The following TMC3 variants were observed in gnomAD, a reference collection of about 807,000 sequenced individuals.
TMC3 encodes transmembrane channel-like protein 3.
TMC3 carries 98 observed loss-of-function variants against 110.6 expected under a neutral mutation model. That is an observed-to-expected ratio of 0.89 (90% CI 0.75 to 1.05). TMC3 has a LOEUF of 1.05. TMC3 is among the 50% of genes least tolerant of loss of function. The probability of loss-of-function intolerance (pLI) is 0.00; values close to 1 mark genes in which losing one functional copy is unlikely to be tolerated. For missense variants in TMC3, 1,319 were observed against 1,373.2 expected (o/e 0.96, Z 0.62); for synonymous variants, 489 against 513.1 (o/e 0.95, Z 0.63).
rs1346925051 is a variant in TMC3, at chr15:81,351,818, A to G, written c.959T>C (p.Ile320Thr). 3.1e-6 allele frequency: 5 copies of G among 1,612,072 alleles called. No homozygotes were observed. The highest frequency in any genetic ancestry group is 2.7e-5 in the African/African-American group (2 of 74,916). The stretch of plus-strand genomic sequence containing the variant: ...GAGAAGCACCAGGATGTTGGCAATA[A>G]TCCTCAGGCAGATGGTCACTGCCCT... ...KNLAVTICLR[I>T]IANILVLLSL... is the part of the protein sequence containing the mutation. Residue 320 changes from isoleucine (I) to threonine (T), a missense_variant, in exon 10 of 22, where the codon ATT (isoleucine) becomes ACT (threonine). Ile to Thr is a moderately conservative substitution (Grantham distance 89). Coordinates refer to ENST00000359440, the MANE Select transcript of TMC3 (RefSeq NM_001080532.3).
Position 81,332,575 on chromosome 15 carries a change from G to C in TMC3, c.3147C>G (p.Ser1049Arg). ...TESDSVSAASSSDQQNSSADQ... is the reference protein window; with the variant it reads ...TESDSVSAASRSDQQNSSADQ... ...CAGCGCTGCTGTTCTGCTGGTCACTGCTGGATGCTGCCGACACGGAGTCAG... is the reference window on the plus strand; with the variant it reads ...CAGCGCTGCTGTTCTGCTGGTCACTCCTGGATGCTGCCGACACGGAGTCAG... The change falls in exon 22 of 22, where the codon AGC (serine) becomes AGG (arginine). Residue 1049 changes from serine to arginine, a missense_variant. Coordinates refer to ENST00000359440, the MANE Select transcript of TMC3 (RefSeq NM_001080532.3). The C allele has an allele frequency of 6.2e-7, 1 of 1,614,020 alleles. No individual in the cohort carries two copies.
intron 21 of TMC3, among the ~76,000 whole-genome samples, chr15:81,334,420 A>C (rs1893544512): frequency 6.6e-6 from 1 of 152,212 alleles, no homozygotes; most frequent in Non-Finnish European, 1.5e-5. Flanking sequence ...TAATATGGCC[A>C]CTGTGGAACT....
In TMC3 at chr15:81,343,935, C is replaced by G. The variant is rs1425550615; in HGVS notation, c.1629G>C (p.Trp543Cys). 1.9e-6 allele frequency: 3 copies of G among 1,612,402 alleles called. No homozygotes were observed. Among genetic ancestry groups the G allele is most frequent in the African/African-American group, 1.3e-5 (1 of 74,902 alleles). ...FVRYLSDYWC[W>C]DLESKFPEYG... ...TACTTACAAACTTGCTCTCCAGATC[C>G]CAACACCAGTAGTCACTTAAGTACC... The change falls in exon 14 of 22, where the codon TGG becomes TGC. Residue 543 changes from tryptophan (W) to cysteine (C), a missense_variant. By Grantham distance (215) the Trp-to-Cys change is radical. Coordinates refer to ENST00000359440, the MANE Select transcript of TMC3 (RefSeq NM_001080532.3).
rs2141686998 is a variant in TMC3 at position 81,333,045 on chromosome 15, A to G, written c.2677T>C (p.Cys893Arg). Residue 893 changes from cysteine to arginine, a missense_variant, in exon 22 of 22, where the codon TGT (cysteine) becomes CGT (arginine). Coordinates refer to ENST00000359440, the MANE Select transcript of TMC3 (RefSeq NM_001080532.3). ...HAPRYYVINE[C>R]DSYKKKHLNV... Reference sequence around the variant, plus strand: ...AGATGTTTTTTCTTGTAAGAGTCACATTCATTAATGACATAGTATCTGGGG... The same window carrying G: ...AGATGTTTTTTCTTGTAAGAGTCACGTTCATTAATGACATAGTATCTGGGG... 1 of 1,613,972 alleles carries G rather than the reference A, an allele frequency of 6.2e-7. No individual in the cohort carries two copies. The highest frequency in any genetic ancestry group is 2.2e-5 in the East Asian group (1 of 44,882).
At chr15:81,353,021 A>G (rs1037629017) in intron 9 of TMC3, among the ~76,000 whole-genome samples, 8 of 152,144 alleles carry the variant, frequency 5.3e-5, no homozygotes, top group African/African-American at 1.9e-4. Context: ...GGGTTTTCCC[A>G]TGTTGATCAG....
In TMC3 at chr15:81,343,901, A is replaced by G. The variant is rs1163785154; in HGVS notation, c.1647+16T>C. ...GGCCATATAAACTTTCCCAACAGAC[A>G]CAGCATTTTACTTACAAACTTGCTC... On this transcript the variant is annotated intron_variant, in intron 14 of 21. Transcript: ENST00000359440. 6.2e-7 allele frequency: 1 copy of G among 1,609,598 alleles called. No individual in the cohort carries two copies. The highest frequency in any genetic ancestry group is 2.2e-5 in the East Asian group (1 of 44,756).
At position 81,332,801 on chromosome 15, in the gene TMC3, A is replaced by G. The variant is rs751478628; in HGVS notation, c.2921T>C (p.Ile974Thr). The G allele has an allele frequency of 6.0e-5, 96 of 1,611,338 alleles. No homozygotes were observed. The highest frequency in any genetic ancestry group is 1.6e-4 in the Middle Eastern group (1 of 6,078). The change falls in exon 22 of 22, where the codon ATT (isoleucine) becomes ACT (threonine). Residue 974 changes from isoleucine (I) to threonine (T), a missense_variant. Transcript: ENST00000359440. ...IDLRRAPHFYIGERSESQTRD... is the reference protein window; with the variant it reads ...IDLRRAPHFYTGERSESQTRD... ...GGTCTGACTTTCGGACCTCTCCCCA[A>G]TATAAAAATGAGGAGCCCGACGGAG...
At position 81,332,888 on chromosome 15, in the gene TMC3, T is replaced by G. The variant is rs767554711; in HGVS notation, c.2834A>C (p.Glu945Ala). The G allele has an allele frequency of 9.3e-6, 15 of 1,607,108 alleles. No individual in the cohort carries two copies. Among genetic ancestry groups the G allele is most frequent in the Non-Finnish European group, 1.3e-5 (15 of 1,176,196 alleles). The change falls in exon 22 of 22, where the codon GAG becomes GCG. Residue 945 changes from glutamate (E) to alanine (A), a missense_variant. Glu to Ala is a moderately radical substitution (Grantham distance 107). Coordinates refer to ENST00000359440, the MANE Select transcript of TMC3 (RefSeq NM_001080532.3). ...CCAATCTCTGCTTGGCGTCTCCTCC[T>G]CTTCTTCACTCAGCTGTGGGGAGGG... is the stretch of plus-strand genomic sequence containing the variant. ...QPPSPQLSEE[E>A]EETPSRDWIK...
At chr15:81,365,692 GA>G (rs957242815) in intron 3 of TMC3, among the ~76,000 whole-genome samples, 10 of 138,896 alleles carry the variant, frequency 7.2e-5, no homozygotes, top group African/African-American at 8.1e-5. Context: ...AAAAGAAAAA[GA>G]AAAAAAAGAA....
At chr15:81,368,413 G>T (rs1894364370) in intron 2 of TMC3, 85 bp from the exon 3 acceptor site, 1 of 1,013,348 alleles carries the variant, frequency 9.9e-7, no homozygotes, top group African/African-American at 1.6e-5. Flanking sequence ...ACAGGAATAG[G>T]TTGCCATCTT....
chr15:81,367,493 T>A (rs1021590550), intron 3 of TMC3, among the ~76,000 whole-genome samples: 3 of 152,230 alleles, frequency 2.0e-5, no homozygotes, highest in African/African-American at 7.2e-5. Flanking sequence ...TATAAGCAGA[T>A]AATTTTAATG....
intron 21 of TMC3, among the ~76,000 whole-genome samples, chr15:81,333,688 TATTAAAC>T (rs1313556615): frequency 1.3e-5 from 2 of 152,132 alleles, no homozygotes; most frequent in East Asian, 3.9e-4. Flanking sequence ...GAGTTGTACA[TATTAAAC>T]AGTTCTTCCC....
chr15:81,333,938 C>T (rs1353787887), intron 21 of TMC3, among the ~76,000 whole-genome samples: 3 of 151,076 alleles, frequency 2.0e-5, no homozygotes, highest in East Asian at 1.9e-4. Flanking sequence ...TGCAGTGGGT[C>T]GAGATTGCAC....
At chr15:81,349,307 T>C (rs1893891689) in intron 11 of TMC3, 151 bp downstream of exon 11, 1 of 439,346 alleles carries the variant, frequency 2.3e-6, no homozygotes, top group Non-Finnish European at 4.0e-6. Context: ...TCTTGGGTTA[T>C]GCTTTTCTTG....
At chr15:81,372,798 A>G in intron 1 of TMC3, 61 bp from the exon 2 acceptor site, 2 of 1,572,030 alleles carry the variant, frequency 1.3e-6, no homozygotes, top group Middle Eastern at 1.7e-4. Flanking sequence ...AGCAAAGATC[A>G]TCTTGCCCTG....
chr15:81,368,192 C>T, intron 3 of TMC3, 61 bp downstream of exon 3: 2 of 1,304,864 alleles, frequency 1.5e-6, no homozygotes, highest in Non-Finnish European at 2.2e-6. Context: ...CTTGGCCTCC[C>T]AAAGCACTGG....
rs1388847053 is a variant in TMC3, at chr15:81,361,054, T to TA, written c.394+1165_394+1166insT. 1.6e-4 allele frequency among the ~76,000 whole-genome samples: 25 copies of TA among 152,050 alleles called. No individual in the cohort carries two copies. In the East Asian group the frequency reaches 4.4e-3, roughly 27 times the overall value. On this transcript the variant is annotated intron_variant, in intron 4 of 21. Transcript: ENST00000359440. ...GACTTTTGGTACATATTAAAACTTT[T>TA]TAAAAAAGAAATACTGTCCTAATTT...
At chr15:81,352,770 C>T (rs1893977961) in intron 9 of TMC3, among the ~76,000 whole-genome samples, 2 of 152,192 alleles carry the variant, frequency 1.3e-5, no homozygotes, top group South Asian at 2.1e-4. Context: ...ATCCTGACTC[C>T]GTGCAGGCCT....
intron 3 of TMC3, among the ~76,000 whole-genome samples, chr15:81,366,551 T>A (rs1230981247): frequency 6.6e-6 from 1 of 152,214 alleles, no homozygotes; most frequent in African/African-American, 2.4e-5. Flanking sequence ...TTCATTGTTA[T>A]ATATATATTA....
Sources: gnomAD v4.1 joint callset for allele counts (sites outside exome capture counted in the v4.1 genomes callset) on GRCh38, gnomAD v4.1.1 for gene constraint, MANE v1.5 for transcripts, NCBI Gene and HGNC (gene_info 2026-07-23, HGNC 2026-07-21) for gene names.